FRMD3: variants seen among roughly 807,000 people sequenced by gnomAD.
FRMD3 encodes the protein FERM domain-containing protein 3.
FRMD3 carries 33 observed loss-of-function variants against 70.2 expected under a neutral mutation model. The observed-to-expected ratio is 0.47, with a 90% CI of 0.36 to 0.63. The LOEUF (loss-of-function observed/expected upper bound fraction) is 0.63. FRMD3 is among the 20% of genes least tolerant of loss of function. The probability of loss-of-function intolerance (pLI) is 0.00; values close to 1 mark genes in which losing one functional copy is unlikely to be tolerated. For missense variants in FRMD3, 632 were observed against 711.4 expected, an observed-to-expected ratio of 0.89 and a Z score of 1.27; for synonymous variants, 279 against 255.9, an observed-to-expected ratio of 1.09 and a Z score of -0.86.
chr9:83,458,000 C>CAA (rs10555580), intron 1 of FRMD3, among the ~76,000 whole-genome samples: 6,668 of 87,704 alleles, frequency 0.076, 275 homozygotes, highest in East Asian at 0.18. Context: ...TATTACCTCT[C>CAA]AAAAAAAAAA....
intron 6 of FRMD3, among the ~76,000 whole-genome samples, chr9:83,331,134 A>C (rs1836242777): frequency 6.6e-6 from 1 of 152,236 alleles, no homozygotes; most frequent in South Asian, 2.1e-4. Flanking sequence ...ACTTATGTCT[A>C]CACAAAAACC....
chr9:83,412,511 T>G (rs555172421), intron 1 of FRMD3, among the ~76,000 whole-genome samples: 9 of 152,366 alleles, frequency 5.9e-5, no homozygotes, highest in African/African-American at 1.9e-4. Flanking sequence ...CATCAAAGTC[T>G]TTTTAAAACA....
At chr9:83,336,053 C>G (rs1381602042) in intron 5 of FRMD3, among the ~76,000 whole-genome samples, 1 of 152,082 alleles carries the variant, frequency 6.6e-6, no homozygotes, top group Non-Finnish European at 1.5e-5. Flanking sequence ...CTGCTCTCTC[C>G]CAGAAGTTAG....
At chr9:83,541,939 T>A (rs138382242), upstream of FRMD3, among the ~76,000 whole-genome samples, 161 of 152,186 alleles carry the variant, frequency 1.1e-3, 3 homozygotes, top group East Asian at 0.017. Flanking sequence ...TTTTTTATTT[T>A]TTATTATTAT....
At chr9:83,484,747 T>C (rs1828647685) in intron 1 of FRMD3, among the ~76,000 whole-genome samples, 1 of 152,152 alleles carries the variant, frequency 6.6e-6, no homozygotes. Flanking sequence ...AGGAATGAAA[T>C]ACCAATGAAT....
the FRMD3 span, among the ~76,000 whole-genome samples, chr9:83,551,653 C>A: frequency 4.6e-5 from 7 of 151,896 alleles, no homozygotes; most frequent in African/African-American, 1.7e-4. Flanking sequence ...CATTTTGGAG[C>A]TTGTTATTGG....
At chr9:83,368,308 T>C (rs1824855230) in intron 3 of FRMD3, among the ~76,000 whole-genome samples, 1 of 146,540 alleles carries the variant, frequency 6.8e-6, no homozygotes, top group African/African-American at 2.5e-5. Context: ...TTTTACCATA[T>C]GTTAATATAT....
chr9:83,391,403 C>A (rs147041724), intron 1 of FRMD3, among the ~76,000 whole-genome samples: 1 of 152,110 alleles, frequency 6.6e-6, no homozygotes, highest in Non-Finnish European at 1.5e-5. Context: ...AGCATTATCC[C>A]CTCACCAAAC....
At chr9:83,306,994 A>C (rs1835159288) in intron 10 of FRMD3, among the ~76,000 whole-genome samples, 2 of 152,224 alleles carry the variant, frequency 1.3e-5, no homozygotes, top group Non-Finnish European at 1.5e-5. Flanking sequence ...CCTAAATACA[A>C]ATCATGAATA....
At chr9:83,380,565 C>T (rs781516515) in intron 2 of FRMD3, among the ~76,000 whole-genome samples, 10 of 152,076 alleles carry the variant, frequency 6.6e-5, no homozygotes, top group Non-Finnish European at 1.2e-4. Context: ...CATATATTCT[C>T]ATTTTGGCTT....
At chr9:83,259,068 T>A (rs2378657) in intron 13 of FRMD3, among the ~76,000 whole-genome samples, 2 of 152,066 alleles carry the variant, frequency 1.3e-5, no homozygotes, top group African/African-American at 4.8e-5. Context: ...CTTTTATAGA[T>A]GCCACAATGA....
intron 2 of FRMD3, among the ~76,000 whole-genome samples, chr9:83,385,876 A>G (rs977575109): frequency 6.6e-6 from 1 of 152,158 alleles, no homozygotes; most frequent in African/African-American, 2.4e-5. Context: ...TCTTAATAGT[A>G]GTGCCCCCTG....
At chr9:83,269,819 T>A (rs1833468959) in intron 13 of FRMD3, among the ~76,000 whole-genome samples, 3 of 152,230 alleles carry the variant, frequency 2.0e-5, no homozygotes, top group African/African-American at 7.2e-5. Context: ...TTTTTCACTT[T>A]TTCCCCTCTT....
chr9:83,290,761 T>G, intron 12 of FRMD3, 34 bp from the exon 13 acceptor site: 1 of 1,568,902 alleles, frequency 6.4e-7, no homozygotes, highest in Non-Finnish European at 8.6e-7. Context: ...AGAGTTGGTT[T>G]CCATCACAAA....
At chr9:83,446,676 C>G (rs72745099) in intron 1 of FRMD3, among the ~76,000 whole-genome samples, 16,453 of 149,098 alleles carry the variant, frequency 0.11, 1,020 homozygotes, top group South Asian at 0.16. Context: ...AAGGAAACCT[C>G]TGTCTGCTGC....
chr9:83,268,518 G>A (rs561287513), intron 13 of FRMD3, among the ~76,000 whole-genome samples: 1 of 152,306 alleles, frequency 6.6e-6, no homozygotes, highest in East Asian at 1.9e-4. Flanking sequence ...GTGGGAAAAT[G>A]GTTAAATACA....
chr9:83,283,512 C>G (rs1420794760), intron 13 of FRMD3, among the ~76,000 whole-genome samples: 1 of 143,076 alleles, frequency 7.0e-6, no homozygotes, highest in African/African-American at 2.7e-5. Flanking sequence ...GCCTGGGCGA[C>G]AGAGCGAGAA....
At chr9:83,330,237 G>A (rs1836201777) in intron 6 of FRMD3, among the ~76,000 whole-genome samples, 1 of 151,824 alleles carries the variant, frequency 6.6e-6, no homozygotes, top group Non-Finnish European at 1.5e-5. Context: ...GGTGGCGCAT[G>A]CCTGTAGTCC....
chr9:83,444,774 G>T (rs1021786993), intron 1 of FRMD3, among the ~76,000 whole-genome samples: 55 of 152,160 alleles, frequency 3.6e-4, no homozygotes, highest in African/African-American at 1.3e-3. Flanking sequence ...CTATTTTCTT[G>T]TGCAGCCCCA....
Sources: gnomAD v4.1 joint callset for allele counts (sites outside exome capture counted in the v4.1 genomes callset) on GRCh38, gnomAD v4.1.1 for gene constraint, MANE v1.5 for transcripts, NCBI Gene and HGNC (gene_info 2026-07-23, HGNC 2026-07-21) for gene names.